Variants in LRP1B observed in about 807,000 individuals in gnomAD.
The protein encoded by LRP1B is LDL receptor related protein 1B.
Under a neutral mutation model 556.6 loss-of-function variants are expected in LRP1B, and 217 were observed. The ratio of observed to expected loss-of-function variants is 0.39; its 90% CI spans 0.35 to 0.44. The LOEUF is 0.44. LRP1B is among the 20% of genes least tolerant of loss of function. The pLI is 1.00. For missense variants in LRP1B, 5,053 were observed against 5,620.8 expected, an observed-to-expected ratio of 0.90 and a Z score of 3.23; for synonymous variants, 2,047 against 1,865.8, an observed-to-expected ratio of 1.10 and a Z score of -2.50.
chr2:141,856,779 C>G (rs1020787500), intron 1 of LRP1B, among the ~76,000 whole-genome samples: 4 of 152,102 alleles, frequency 2.6e-5, no homozygotes, highest in African/African-American at 9.7e-5. Context: ...TCTCAGGGCT[C>G]ATGCTGAAAA....
At chr2:140,951,175 C>T (rs2105301706) in intron 19 of LRP1B, among the ~76,000 whole-genome samples, 1 of 152,206 alleles carries the variant, frequency 6.6e-6, no homozygotes, top group East Asian at 1.9e-4. Context: ...TCAATATCCT[C>T]CCTTTTTCCC....
At position 141,008,278 on chromosome 2, in the gene LRP1B, AT is replaced by A. The variant is rs202078365; in HGVS notation, c.2381-2822del. 5.9e-5 allele frequency among the ~76,000 whole-genome samples: 9 copies of A among 151,480 alleles called. No homozygotes were observed. The East Asian group carries it at 1.6e-3, about 26-fold the overall frequency. ...TTACATATACATTATATTTTATTCA[AT>A]TTTTTTAAAATAAAATTACAAGGAA... On this transcript the variant is annotated intron_variant, in intron 14 of 90. Coordinates refer to ENST00000389484, the MANE Select transcript of LRP1B (RefSeq NM_018557.3).
At chr2:140,439,631 G>A (rs1187502885) in intron 66 of LRP1B, among the ~76,000 whole-genome samples, 2 of 151,902 alleles carry the variant, frequency 1.3e-5, no homozygotes, top group Admixed American at 1.3e-4. Flanking sequence ...TTAATAAAAT[G>A]GGAAGTTATA....
intron 66 of LRP1B, among the ~76,000 whole-genome samples, chr2:140,407,402 T>C (rs1012633204): frequency 4.0e-5 from 6 of 151,756 alleles, no homozygotes; most frequent in African/African-American, 1.4e-4. Flanking sequence ...AACCATAGAA[T>C]AAGAGACAAT....
chr2:141,498,553 G>A (rs540961132), intron 2 of LRP1B, among the ~76,000 whole-genome samples: 320 of 151,808 alleles, frequency 2.1e-3, no homozygotes, highest in South Asian at 5.0e-3. Context: ...TAATGTTCAC[G>A]ATCTATTATG....
At chr2:141,356,923 T>G (rs1035220787) in intron 3 of LRP1B, among the ~76,000 whole-genome samples, 5 of 152,224 alleles carry the variant, frequency 3.3e-5, no homozygotes, top group Non-Finnish European at 5.9e-5. Flanking sequence ...CGCCAATTAT[T>G]TGTTTCACCA....
At chr2:140,814,553 T>G (rs1046106587) in intron 31 of LRP1B, among the ~76,000 whole-genome samples, 1 of 152,206 alleles carries the variant, frequency 6.6e-6, no homozygotes, top group African/African-American at 2.4e-5. Flanking sequence ...ATGACTCATT[T>G]GGGATACTAA....
chr2:141,468,411 A>G (rs1682326078), intron 3 of LRP1B, among the ~76,000 whole-genome samples: 1 of 152,178 alleles, frequency 6.6e-6, no homozygotes, highest in African/African-American at 2.4e-5. Context: ...TTTTATCTGG[A>G]TATCCAATAG....
chr2:141,071,017 C>T (rs1168462729), intron 7 of LRP1B, among the ~76,000 whole-genome samples: 2 of 152,128 alleles, frequency 1.3e-5, no homozygotes, highest in Non-Finnish European at 2.9e-5. Flanking sequence ...AGGCCAGCAT[C>T]GTCCTGATAC....
chr2:140,346,081 A>G (rs1273833635), intron 77 of LRP1B, among the ~76,000 whole-genome samples: 1 of 151,204 alleles, frequency 6.6e-6, no homozygotes, highest in African/African-American at 2.4e-5. Context: ...TTTCTTCCCT[A>G]GAAAATAAGT....
intron 70 of LRP1B, 128 bp from the exon 71 acceptor site, chr2:140,370,970 T>C (rs1042223331): frequency 1.1e-5 from 12 of 1,048,940 alleles, no homozygotes; most frequent in Non-Finnish European, 1.6e-5. Context: ...TTTGTCTTAA[T>C]GAATATAACT....
chr2:141,569,877 A>G (rs1050251457), intron 2 of LRP1B, among the ~76,000 whole-genome samples: 1 of 151,248 alleles, frequency 6.6e-6, no homozygotes, highest in South Asian at 2.1e-4. Flanking sequence ...TTGAGAACAC[A>G]GTTTTTTATA....
chr2:141,819,206 C>A lies in LRP1B; in HGVS notation c.83-8805G>T, dbSNP rs145120345. 8.9e-4 allele frequency among the ~76,000 whole-genome samples: 136 copies of A among 151,970 alleles called. 1 individual carries two copies. The Middle Eastern group carries it at 0.017, about 19-fold the overall frequency. On this transcript the variant is annotated intron_variant, in intron 1 of 90. Coordinates refer to ENST00000389484, the MANE Select transcript of LRP1B (RefSeq NM_018557.3). ...TGAGCTGAGATCACGCCATTGTACT[C>A]CAGCCTAGGCACAGAGTGAGACTCC... is the stretch of plus-strand genomic sequence containing the variant.
chr2:140,375,686 C>T (rs1683195221), intron 68 of LRP1B, among the ~76,000 whole-genome samples: 1 of 151,922 alleles, frequency 6.6e-6, no homozygotes, highest in African/African-American at 2.4e-5. Flanking sequence ...TTAGCAGAGC[C>T]AATATTATTA....
In LRP1B at chr2:141,782,514, CTTTTTTT is replaced by C. The variant is rs5834867; in HGVS notation, c.205+27758_205+27764del. Among the ~76,000 whole-genome samples the C allele has an allele frequency of 8.2e-5, 8 of 97,854 alleles. No homozygotes were observed. In the East Asian group the frequency reaches 1.2e-3, roughly 15 times the overall value. The allele number at this position is 97,854 out of a possible 152,430, so 64.2% of individuals were successfully genotyped here. On this transcript the variant is annotated intron_variant, in intron 2 of 90. Transcript: ENST00000389484. ...ACATTTCTTTGCATGTTCTATTTTC[CTTTTTTT>C]TTTTTTTTTTTTGGTAGCATAATGC...
chr2:141,882,628 C>T (rs1490221157), intron 1 of LRP1B, among the ~76,000 whole-genome samples: 1 of 152,150 alleles, frequency 6.6e-6, no homozygotes, highest in Non-Finnish European at 1.5e-5. Context: ...AAGCAAAATG[C>T]TTATGATCAT....
At chr2:141,249,634 G>C (rs1180803639) in intron 4 of LRP1B, among the ~76,000 whole-genome samples, 1 of 151,558 alleles carries the variant, frequency 6.6e-6, no homozygotes, top group Non-Finnish European at 1.5e-5. Flanking sequence ...AAGAAAGAAA[G>C]AAAGAGGAGT....
Position 140,321,991 on chromosome 2 carries a change from A to G in LRP1B, c.12612T>C (p.Asn4204=), listed in dbSNP as rs1188742725. The change falls in exon 82 of 91, where the codon AAT becomes AAC. Residue 4204 remains asparagine, a synonymous_variant. Transcript: ENST00000389484. ...ACAGGCTGTCATCATTGCAGGTGCC[A>G]TTAATCAAATATTTTCCTTCTGGAC... ...CVCPEGKYLI[N]GTCNDDSLLD... is the part of the protein sequence containing the mutation. The G allele has an allele frequency of 1.9e-6, 3 of 1,613,194 alleles. No individual in the cohort carries two copies. The highest frequency in any genetic ancestry group is 2.2e-5 in the East Asian group (1 of 44,792).
rs1573815546 is a variant in LRP1B at position 140,862,476 on chromosome 2, C to T, written c.4579+5114G>A. On this transcript the variant is annotated intron_variant, in intron 27 of 90. Coordinates refer to ENST00000389484, the MANE Select transcript of LRP1B (RefSeq NM_018557.3). ...TCAAATATTCATTATTATTATTTGG[C>T]CTTTCACAGAATACATTTGCTGACC... is the stretch of plus-strand genomic sequence containing the variant. Among the ~76,000 whole-genome samples the T allele has an allele frequency of 3.3e-5, 5 of 152,242 alleles. No homozygotes were observed. The East Asian group carries it at 9.7e-4, about 29-fold the overall frequency.
Sources: gnomAD v4.1 joint callset for allele counts (sites outside exome capture counted in the v4.1 genomes callset) on GRCh38, gnomAD v4.1.1 for gene constraint, MANE v1.5 for transcripts, NCBI Gene and HGNC (gene_info 2026-07-23, HGNC 2026-07-21) for gene names.